The following ARHGAP32 variants were observed in gnomAD, a reference collection of about 807,000 sequenced individuals.
The protein encoded by ARHGAP32 is Rho GTPase activating protein 32, also known as rho GTPase-activating protein 32.
In ARHGAP32, 51 loss-of-function variants were observed where a neutral mutation model predicts 186.5. The observed-to-expected ratio is 0.27, with a 90% CI of 0.22 to 0.35. ARHGAP32 has a LOEUF of 0.35. Among genes scored for constraint, ARHGAP32 ranks in the 10% least tolerant of loss-of-function variants. The probability of loss-of-function intolerance (pLI) is 1.00; values close to 1 mark genes in which losing one functional copy is unlikely to be tolerated. For missense variants in ARHGAP32, 2,186 were observed against 2,623.5 expected (o/e 0.83, Z 3.64); for synonymous variants, 950 against 964.3 (o/e 0.99, Z 0.27).
intron 6 of ARHGAP32, among the ~76,000 whole-genome samples, chr11:129,078,035 A>C (rs184982207): frequency 4.6e-5 from 7 of 152,282 alleles, no homozygotes; most frequent in Admixed American, 2.6e-4. Flanking sequence ...AGTATGCTAA[A>C]CAGAACAACC....
At chr11:129,019,216 C>A (rs1211715005) in intron 11 of ARHGAP32, among the ~76,000 whole-genome samples, 1 of 152,084 alleles carries the variant, frequency 6.6e-6, no homozygotes, top group Non-Finnish European at 1.5e-5. Flanking sequence ...CCCAGTCCTA[C>A]AAAGGCAGTA....
chr11:129,083,491 T>C (rs1941286751), intron 6 of ARHGAP32, among the ~76,000 whole-genome samples: 2 of 152,204 alleles, frequency 1.3e-5, no homozygotes, highest in African/African-American at 4.8e-5. Flanking sequence ...CAACATTGTA[T>C]GTTCGTACAA....
At chr11:129,035,076 C>G (rs1157051541) in intron 11 of ARHGAP32, among the ~76,000 whole-genome samples, 2 of 152,118 alleles carry the variant, frequency 1.3e-5, no homozygotes, top group Non-Finnish European at 2.9e-5. Flanking sequence ...TCCACCTTTC[C>G]CCACCTAGAC....
chr11:129,180,738 A>G (rs1944037536), intron 1 of ARHGAP32, among the ~76,000 whole-genome samples: 1 of 152,108 alleles, frequency 6.6e-6, no homozygotes, highest in Non-Finnish European at 1.5e-5. Context: ...ATAATACCTA[A>G]GTAACCTACT....
chr11:129,235,889 T>C (rs1168654045), intron 1 of ARHGAP32, among the ~76,000 whole-genome samples: 7 of 132,992 alleles, frequency 5.3e-5, no homozygotes, highest in Non-Finnish European at 9.5e-5. Flanking sequence ...AATGCCATTA[T>C]GTCATTCATA....
In ARHGAP32 at chr11:128,965,818, A is replaced by G. The variant is rs1945210092; in HGVS notation, c.*3089T>C. The G allele has an allele frequency of 6.6e-6, 1 of 152,226 alleles. No homozygotes were observed. The highest frequency in any genetic ancestry group is 2.4e-5 in the African/African-American group (1 of 41,462). The allele number at this position is 152,226 out of a possible 1,614,324, so 9.4% of individuals were successfully genotyped here. On this transcript the variant is annotated 3_prime_UTR_variant, in exon 23 of 23. Transcript: ENST00000682385. ...CTAAAGGGGCAAATTTCAAATTTAC[A>G]TCGTTTGCATCTATTACTGCTCCAA... is the stretch of plus-strand genomic sequence containing the variant.
At chr11:129,262,423 G>A (rs575554459) in intron 1 of ARHGAP32, among the ~76,000 whole-genome samples, 66 of 149,976 alleles carry the variant, frequency 4.4e-4, no homozygotes, top group Admixed American at 8.0e-4. Flanking sequence ...CTTGTCTGTC[G>A]CTCAGACTAT....
chr11:129,062,457 C>T (rs1940539904), intron 9 of ARHGAP32, 100 bp from the exon 10 acceptor site: 1 of 917,978 alleles, frequency 1.1e-6, no homozygotes, highest in Non-Finnish European at 1.7e-6. Context: ...AGGTAAAGTA[C>T]TATTCATGCT....
chr11:129,072,736 C>T (rs1012208279), intron 6 of ARHGAP32, among the ~76,000 whole-genome samples: 8 of 152,274 alleles, frequency 5.3e-5, no homozygotes, highest in East Asian at 1.9e-4. Flanking sequence ...AACCCCGTCA[C>T]GGGAGCCACA....
intron 15 of ARHGAP32, among the ~76,000 whole-genome samples, chr11:128,982,474 CGTGTGT>C (rs60379183): frequency 7.2e-4 from 106 of 147,472 alleles, no homozygotes; most frequent in Middle Eastern, 3.5e-3. Flanking sequence ...AGGTAAGTGC[CGTGTGT>C]GTGTGTGTGT....
chr11:129,009,917 T>C (rs1478399902), intron 11 of ARHGAP32, among the ~76,000 whole-genome samples: 3 of 152,242 alleles, frequency 2.0e-5, no homozygotes, highest in African/African-American at 7.2e-5. Context: ...ATGGTTGAAC[T>C]AATTTACATT....
intron 1 of ARHGAP32, among the ~76,000 whole-genome samples, chr11:129,247,582 A>G (rs1320744657): frequency 6.6e-6 from 1 of 152,268 alleles, no homozygotes; most frequent in South Asian, 2.1e-4. Context: ...TTTATATTAA[A>G]GGAAAAAAAG....
At chr11:129,110,763 AT>A (rs1363861200) in intron 5 of ARHGAP32, among the ~76,000 whole-genome samples, 2 of 152,032 alleles carry the variant, frequency 1.3e-5, no homozygotes, top group African/African-American at 4.8e-5. Flanking sequence ...AATATTACTG[AT>A]TTTTGTATGT....
chr11:129,142,430 G>A (rs538067216), intron 2 of ARHGAP32, among the ~76,000 whole-genome samples: 4 of 152,052 alleles, frequency 2.6e-5, no homozygotes, highest in East Asian at 1.9e-4. Flanking sequence ...TACATAAAAC[G>A]CTCTCATACT....
At chr11:129,125,719 G>A (rs983381644) in intron 2 of ARHGAP32, among the ~76,000 whole-genome samples, 1 of 151,534 alleles carries the variant, frequency 6.6e-6, no homozygotes, top group Middle Eastern at 3.4e-3. Context: ...AAGATATGAG[G>A]TAACAATGCA....
chr11:128,976,528 T>C, intron 20 of ARHGAP32, 35 bp downstream of exon 20: 1 of 1,534,414 alleles, frequency 6.5e-7, no homozygotes, highest in Non-Finnish European at 9.0e-7. Flanking sequence ...ATGCAATATA[T>C]TATAGAATAA....
At chr11:129,279,215 C>G (rs1945578273) in exon 1 of ARHGAP32, 1 of 130,472 alleles carries the variant, frequency 7.7e-6, no homozygotes, top group South Asian at 2.1e-4. Flanking sequence ...GTCTGCCCTC[C>G]GCGGGCCGGG....
At chr11:128,986,211 AC>A (rs1945868762) in intron 14 of ARHGAP32, 126 bp from the exon 15 acceptor site, 1 of 753,174 alleles carries the variant, frequency 1.3e-6, no homozygotes, top group African/African-American at 1.8e-5. Flanking sequence ...GCGAGGAAAC[AC>A]AACATTGTAT....
intron 5 of ARHGAP32, among the ~76,000 whole-genome samples, chr11:129,095,935 C>T (rs1941715581): frequency 6.6e-6 from 1 of 152,204 alleles, no homozygotes; most frequent in South Asian, 2.1e-4. Flanking sequence ...AGAACCTTAA[C>T]TTCAAAATAT....
Sources: gnomAD v4.1 joint callset for allele counts (sites outside exome capture counted in the v4.1 genomes callset) on GRCh38, gnomAD v4.1.1 for gene constraint, MANE v1.5 for transcripts, NCBI Gene and HGNC (gene_info 2026-07-23, HGNC 2026-07-21) for gene names.